Variants in ITFG1 observed in about 807,000 individuals in gnomAD.
The protein encoded by ITFG1 is T-cell immunomodulatory protein.
ITFG1 carries 34 observed loss-of-function variants against 81.8 expected under a neutral mutation model. The observed-to-expected ratio is 0.42, with a 90% CI of 0.32 to 0.55. The LOEUF is 0.55. Among genes scored for constraint, ITFG1 ranks in the 20% least tolerant of loss-of-function variants. ITFG1 has a pLI of 0.17. For missense variants in ITFG1, 672 were observed against 755.4 expected (o/e 0.89, Z 1.29); for synonymous variants, 285 against 270.6 (o/e 1.05, Z -0.52).
intron 8 of ITFG1, among the ~76,000 whole-genome samples, chr16:47,331,218 G>C (rs566701792): frequency 6.6e-6 from 1 of 152,228 alleles, no homozygotes; most frequent in Admixed American, 6.5e-5. Flanking sequence ...CACAGAAACA[G>C]AAAGCCAAAT....
chr16:47,410,223 GAGCTGTGATGGTGCCCCTGCATTCC>G (rs1466290616), intron 6 of ITFG1, among the ~76,000 whole-genome samples: 1 of 152,146 alleles, frequency 6.6e-6, no homozygotes, highest in Non-Finnish European at 1.5e-5. Flanking sequence ...AGGCTCCTGT[GAGCTGTGATGGTGCCCCTGCATTCC>G]AGCCTGGGTG....
intron 5 of ITFG1, among the ~76,000 whole-genome samples, chr16:47,446,867 C>CTTT (rs765157745): frequency 7.0e-6 from 1 of 143,280 alleles, no homozygotes; most frequent in African/African-American, 2.6e-5. Flanking sequence ...CTGGTTTTTT[C>CTTT]TTTTTTTTTT....
At chr16:47,217,004 G>A (rs796359500) in intron 14 of ITFG1, among the ~76,000 whole-genome samples, 2 of 152,052 alleles carry the variant, frequency 1.3e-5, no homozygotes, top group South Asian at 2.1e-4. Context: ...GTTTACTGTT[G>A]TATTGTTGTA....
chr16:47,399,328 C>G (rs949300117), intron 6 of ITFG1, among the ~76,000 whole-genome samples: 1 of 152,216 alleles, frequency 6.6e-6, no homozygotes, highest in African/African-American at 2.4e-5. Flanking sequence ...AATCCCAGCA[C>G]TTTGGGAGGC....
At chr16:47,455,024 A>G (rs1969434430) in intron 2 of ITFG1, among the ~76,000 whole-genome samples, 2 of 152,200 alleles carry the variant, frequency 1.3e-5, no homozygotes, top group African/African-American at 4.8e-5. Flanking sequence ...AAGTCTCAGG[A>G]ATTAAGGATT....
chr16:47,285,531 GC>G (rs2151552133), intron 10 of ITFG1, among the ~76,000 whole-genome samples: 1 of 152,322 alleles, frequency 6.6e-6, no homozygotes, highest in African/African-American at 2.4e-5. Context: ...GCCTGGGCTT[GC>G]AACTAGTGTG....
At chr16:47,397,994 G>C (rs2151598138) in intron 6 of ITFG1, among the ~76,000 whole-genome samples, 1 of 152,294 alleles carries the variant, frequency 6.6e-6, no homozygotes, top group South Asian at 2.1e-4. Flanking sequence ...CAGTTTACAA[G>C]CACTCTCAAG....
intron 15 of ITFG1, among the ~76,000 whole-genome samples, chr16:47,162,248 T>C (rs968665238): frequency 1.3e-5 from 2 of 151,922 alleles, no homozygotes; most frequent in African/African-American, 2.4e-5. Context: ...AAAATATTTA[T>C]GTACACGTTA....
At chr16:47,397,716 T>C (rs906587134) in intron 6 of ITFG1, among the ~76,000 whole-genome samples, 1 of 151,798 alleles carries the variant, frequency 6.6e-6, no homozygotes, top group Non-Finnish European at 1.5e-5. Flanking sequence ...AACCCTGAGG[T>C]AGAGGAAGCA....
chr16:47,199,369 A>G (rs960196699), intron 14 of ITFG1, among the ~76,000 whole-genome samples: 1 of 152,226 alleles, frequency 6.6e-6, no homozygotes, highest in Non-Finnish European at 1.5e-5. Context: ...GTAATGTCCT[A>G]GGACTTCATA....
intron 10 of ITFG1, among the ~76,000 whole-genome samples, chr16:47,287,574 A>AT (rs943972373): frequency 1.7e-4 from 26 of 150,906 alleles, no homozygotes; most frequent in Admixed American, 3.3e-4. Flanking sequence ...CTATTATAAA[A>AT]TTTTTTTTTG....
rs190698898 is a variant in ITFG1 at position 47,366,901 on chromosome 16, C to T, written c.721-1032G>A. On this transcript the variant is annotated intron_variant, in intron 7 of 17. Coordinates refer to ENST00000320640, the MANE Select transcript of ITFG1 (RefSeq NM_030790.5). ...GACTTCTGTGACTAAATGTGGGGGA[C>T]TTCTCCCCACCATAAACAAGCAATC... Among the ~76,000 whole-genome samples, 813 of 152,288 alleles carry T rather than the reference C, an allele frequency of 5.3e-3. 8 individuals carry two copies. Among genetic ancestry groups the T allele is most frequent in the Non-Finnish European group, 7.1e-3 (486 of 68,024 alleles).
chr16:47,415,015 T>C (rs1362667913), intron 6 of ITFG1, among the ~76,000 whole-genome samples: 2 of 152,174 alleles, frequency 1.3e-5, no homozygotes, highest in Non-Finnish European at 2.9e-5. Context: ...GAATATCCCA[T>C]CCATTGCCTC....
intron 6 of ITFG1, among the ~76,000 whole-genome samples, chr16:47,419,674 C>T (rs1968919561): frequency 7.1e-6 from 1 of 140,582 alleles, no homozygotes; most frequent in Non-Finnish European, 1.5e-5. Flanking sequence ...TGGCACAAAG[C>T]TCACTGCAAC....
chr16:47,441,727 T>C (rs909669026), intron 5 of ITFG1, among the ~76,000 whole-genome samples: 23 of 152,254 alleles, frequency 1.5e-4, no homozygotes, highest in African/African-American at 5.3e-4. Context: ...AATATCATAC[T>C]GAATGGACAA....
At chr16:47,300,170 G>C (rs971335359) in intron 10 of ITFG1, among the ~76,000 whole-genome samples, 3 of 152,144 alleles carry the variant, frequency 2.0e-5, no homozygotes, top group African/African-American at 7.2e-5. Flanking sequence ...CCTGTAATGG[G>C]GAATCACTCC....
intron 13 of ITFG1, among the ~76,000 whole-genome samples, chr16:47,224,405 T>C (rs1010417244): frequency 7.2e-5 from 11 of 152,156 alleles, no homozygotes; most frequent in African/African-American, 1.9e-4. Flanking sequence ...CATGAACATA[T>C]GCAGCACTAT....
chr16:47,424,753 C>G (rs1968997343), intron 6 of ITFG1, among the ~76,000 whole-genome samples: 1 of 152,192 alleles, frequency 6.6e-6, no homozygotes, highest in African/African-American at 2.4e-5. Flanking sequence ...GCCTGGGTAT[C>G]AACAGCGAAG....
intron 9 of ITFG1, 137 bp from the exon 10 acceptor site, chr16:47,311,549 G>A: frequency 1.8e-6 from 1 of 549,244 alleles, no homozygotes; most frequent in South Asian, 3.9e-5. Flanking sequence ...ATATGGTAGG[G>A]GATCATAATT....
Sources: gnomAD v4.1 joint callset for allele counts (sites outside exome capture counted in the v4.1 genomes callset) on GRCh38, gnomAD v4.1.1 for gene constraint, MANE v1.5 for transcripts, NCBI Gene and HGNC (gene_info 2026-07-23, HGNC 2026-07-21) for gene names.